ADAMTS18: variants seen among roughly 807,000 people sequenced by gnomAD.
ADAMTS18 encodes the protein ADAM metallopeptidase with thrombospondin type 1 motif 18.
In ADAMTS18, 157 loss-of-function variants were observed where a neutral mutation model predicts 165.9. The observed-to-expected ratio is 0.95, with a 90% CI of 0.83 to 1.08. The LOEUF is 1.08. Ranked by LOEUF, ADAMTS18 falls within the 50% of genes least tolerant of loss-of-function variation. The pLI is 0.00. For missense variants in ADAMTS18, 2,040 were observed against 1,534.0 expected (o/e 1.33, Z -5.51); for synonymous variants, 782 against 578.2 (o/e 1.35, Z -5.06).
intron 17 of ADAMTS18, among the ~76,000 whole-genome samples, chr16:77,299,187 C>G (rs1220993294): frequency 6.6e-6 from 1 of 152,210 alleles, no homozygotes; most frequent in Non-Finnish European, 1.5e-5. Flanking sequence ...CAAAATGATA[C>G]TCACGGTATG....
intron 4 of ADAMTS18, among the ~76,000 whole-genome samples, chr16:77,366,001 G>C (rs1441825844): frequency 6.6e-6 from 1 of 152,126 alleles, no homozygotes; most frequent in African/African-American, 2.4e-5. Context: ...CATTAATACA[G>C]GCTAAATCAT....
intron 16 of ADAMTS18, among the ~76,000 whole-genome samples, chr16:77,306,823 A>C (rs1372188587): frequency 6.6e-6 from 1 of 152,218 alleles, no homozygotes; most frequent in Non-Finnish European, 1.5e-5. Context: ...TAATAAACCA[A>C]TACTCAAAGT....
intron 3 of ADAMTS18, among the ~76,000 whole-genome samples, chr16:77,382,878 C>T (rs967113067): frequency 5.9e-5 from 9 of 152,172 alleles, no homozygotes; most frequent in Non-Finnish European, 8.8e-5. Flanking sequence ...CCTCTTCACA[C>T]GTCAGCATCC....
intron 16 of ADAMTS18, among the ~76,000 whole-genome samples, chr16:77,310,222 T>C (rs1049185879): frequency 4.6e-5 from 7 of 152,240 alleles, no homozygotes; most frequent in South Asian, 4.1e-4. Context: ...AATTTTATCA[T>C]TGGATGTTGT....
intron 3 of ADAMTS18, among the ~76,000 whole-genome samples, chr16:77,424,525 C>G (rs2057646811): frequency 6.6e-6 from 1 of 151,712 alleles, no homozygotes; most frequent in Non-Finnish European, 1.5e-5. Context: ...TTCAGCCTCC[C>G]ATGTGAGACC....
intron 22 of ADAMTS18, among the ~76,000 whole-genome samples, chr16:77,287,910 CAGGACCTTTTAAGAAT>C (rs527959842): frequency 5.8e-4 from 89 of 152,270 alleles, no homozygotes; most frequent in African/African-American, 2.0e-3. Flanking sequence ...CTTTTAAGAA[CAGGACCTTTTAAGAAT>C]AGGACCCAGC....
At chr16:77,311,270 A>G (rs2055774951) in intron 16 of ADAMTS18, among the ~76,000 whole-genome samples, 1 of 152,214 alleles carries the variant, frequency 6.6e-6, no homozygotes, top group Admixed American at 6.5e-5. Context: ...TGTGGATGGA[A>G]CAGCATTTTT....
At chr16:77,422,716 AT>A (rs1380117757) in intron 3 of ADAMTS18, among the ~76,000 whole-genome samples, 2 of 151,922 alleles carry the variant, frequency 1.3e-5, no homozygotes, top group African/African-American at 2.4e-5. Flanking sequence ...AAAAATGCAT[AT>A]TTTTTTATGC....
intron 21 of ADAMTS18, chr16:77,290,921 G>A: frequency 3.4e-6 from 1 of 295,902 alleles, no homozygotes; most frequent in South Asian, 3.1e-5. Flanking sequence ...GCTGTGAGCA[G>A]CATTTCTAAA....
intron 19 of ADAMTS18, 44 bp downstream of exon 19, chr16:77,294,879 T>C: frequency 6.3e-7 from 1 of 1,597,860 alleles, no homozygotes. Context: ...ACTTTTGCCT[T>C]CATGGGGACC....
At chr16:77,408,306 C>T (rs1273856181) in intron 3 of ADAMTS18, among the ~76,000 whole-genome samples, 2 of 152,114 alleles carry the variant, frequency 1.3e-5, no homozygotes, top group Non-Finnish European at 2.9e-5. Context: ...TCTACCGAAG[C>T]TGAATTTGCA....
intron 20 of ADAMTS18, among the ~76,000 whole-genome samples, chr16:77,292,084 T>C (rs2055374707): frequency 6.6e-6 from 1 of 152,056 alleles, no homozygotes; most frequent in Non-Finnish European, 1.5e-5. Flanking sequence ...GGCAGGTGGA[T>C]CACTTGAGCC....
chr16:77,335,576 C>T (rs920810476), intron 12 of ADAMTS18, among the ~76,000 whole-genome samples, 180 bp downstream of exon 12: 1 of 152,036 alleles, frequency 6.6e-6, no homozygotes, highest in Non-Finnish European at 1.5e-5. Context: ...CTGATTTGAT[C>T]ATTCCACATT....
At chr16:77,416,122 T>A (rs529259199) in intron 3 of ADAMTS18, among the ~76,000 whole-genome samples, 1 of 152,162 alleles carries the variant, frequency 6.6e-6, no homozygotes, top group East Asian at 1.9e-4. Flanking sequence ...GATGGGAGTG[T>A]CAGGGAAGAC....
intron 3 of ADAMTS18, among the ~76,000 whole-genome samples, chr16:77,387,947 C>T (rs2057132166): frequency 6.6e-6 from 1 of 152,206 alleles, no homozygotes; most frequent in Non-Finnish European, 1.5e-5. Context: ...CGCTATCTCT[C>T]ACCACTACAC....
intron 10 of ADAMTS18, among the ~76,000 whole-genome samples, chr16:77,350,952 A>C (rs1196888417): frequency 6.6e-6 from 1 of 151,974 alleles, no homozygotes; most frequent in Non-Finnish European, 1.5e-5. Flanking sequence ...AAGTAAAGTG[A>C]GGGGAAAAGA....
chr16:77,406,485 C>T (rs573723836), intron 3 of ADAMTS18, among the ~76,000 whole-genome samples: 178 of 151,868 alleles, frequency 1.2e-3, no homozygotes, highest in African/African-American at 4.0e-3. Context: ...CTTGACACTA[C>T]AATAAACAAT....
At chr16:77,323,423 T>G (rs1478308920) in intron 13 of ADAMTS18, among the ~76,000 whole-genome samples, 1 of 152,200 alleles carries the variant, frequency 6.6e-6, no homozygotes, top group Non-Finnish European at 1.5e-5. Context: ...AAAGGTTCTC[T>G]CCCATCTATA....
Position 77,366,457 on chromosome 16 carries a change from C to G in ADAMTS18, c.778+984G>C, listed in dbSNP as rs553635267. 5.3e-5 allele frequency among the ~76,000 whole-genome samples: 8 copies of G among 152,246 alleles called. No homozygotes were observed. The South Asian group carries it at 1.7e-3, about 32-fold the overall frequency. ...CCTATAATTCCACCTAGTAGGGAGT[C>G]TGAGGCAGGAGAATTGCTTGAACCT... is the stretch of plus-strand genomic sequence containing the variant. On this transcript the variant is annotated intron_variant, in intron 4 of 22. Coordinates refer to ENST00000282849, the MANE Select transcript of ADAMTS18 (RefSeq NM_199355.4).
Sources: gnomAD v4.1 joint callset for allele counts (sites outside exome capture counted in the v4.1 genomes callset) on GRCh38, gnomAD v4.1.1 for gene constraint, MANE v1.5 for transcripts, NCBI Gene and HGNC (gene_info 2026-07-23, HGNC 2026-07-21) for gene names.